F13B: variants seen among roughly 807,000 people sequenced by gnomAD.
F13B encodes the protein coagulation factor XIII B chain.
In F13B, 58 loss-of-function variants were observed where a neutral mutation model predicts 79.8. The ratio of observed to expected loss-of-function variants is 0.73; its 90% CI spans 0.59 to 0.90. The LOEUF (loss-of-function observed/expected upper bound fraction) is 0.90, where lower values mean the gene tolerates loss of function less well. F13B is among the 40% of genes least tolerant of loss of function. The pLI is 0.00. For synonymous variants in F13B, 283 were observed against 260.3 expected, an observed-to-expected ratio of 1.09 and a Z score of -0.84; for missense variants, 773 against 777.0, an observed-to-expected ratio of 0.99 and a Z score of 0.06.
At position 197,059,330 on chromosome 1, in the gene F13B, T is replaced by G. The variant is rs1571566922; in HGVS notation, c.805+1036A>C. Among the ~76,000 whole-genome samples, 3 of 152,268 alleles carry G rather than the reference T, an allele frequency of 2.0e-5. No individual in the cohort carries two copies. The South Asian group carries it at 6.2e-4, about 32-fold the overall frequency. On this transcript the variant is annotated intron_variant, in intron 5 of 11. Transcript: ENST00000367412. ...GCACAAATGAAAAATCATAAAATCT[T>G]TAAAGTTACTGTACAGTGCATTTAG...
intron 5 of F13B, among the ~76,000 whole-genome samples, chr1:197,058,253 T>C (rs1299505334): frequency 6.6e-6 from 1 of 152,160 alleles, no homozygotes; most frequent in Non-Finnish European, 1.5e-5. Flanking sequence ...AATAAATTAA[T>C]AGCATGTAGC....
At chr1:197,044,011 C>T (rs1655133798) in intron 10 of F13B, among the ~76,000 whole-genome samples, 1 of 151,710 alleles carries the variant, frequency 6.6e-6, no homozygotes, top group African/African-American at 2.4e-5. Context: ...CAGACCGGAG[C>T]TGTTCCTATT....
At position 197,062,991 on chromosome 1, in the gene F13B, C is replaced by G; in HGVS notation, c.131G>C (p.Ser44Thr). 1 of 1,613,542 alleles carries G rather than the reference C, an allele frequency of 6.2e-7. No individual in the cohort carries two copies. The highest frequency in any genetic ancestry group is 8.5e-7 in the Non-Finnish European group (1 of 1,179,702). ...GTCTATGCTCATTGGAAAGTAAAAG[C>G]TTTTAAAAGTATAGTAATATTGGGC... ...RIAQYYYTFK[S>T]FYFPMSIDKK... The change falls in exon 2 of 12, where the codon AGC (serine) becomes ACC (threonine). Residue 44 changes from serine (S) to threonine (T), a missense_variant. Ser to Thr is a moderately conservative substitution (Grantham distance 58). Coordinates refer to ENST00000367412, the MANE Select transcript of F13B (RefSeq NM_001994.3).
intron 2 of F13B, among the ~76,000 whole-genome samples, chr1:197,062,539 C>T (rs187776895): frequency 6.6e-6 from 1 of 152,260 alleles, no homozygotes; most frequent in East Asian, 1.9e-4. Context: ...GCATCTTATG[C>T]TTAATTATCA....
At chr1:197,051,580 T>C (rs1367124472) in intron 9 of F13B, among the ~76,000 whole-genome samples, 1 of 152,062 alleles carries the variant, frequency 6.6e-6, no homozygotes, top group Non-Finnish European at 1.5e-5. Flanking sequence ...TCTGGCAACA[T>C]TTATAAAACC....
chr1:197,055,262 C>T (rs746436408), intron 8 of F13B, among the ~76,000 whole-genome samples: 10 of 151,880 alleles, frequency 6.6e-5, no homozygotes, highest in South Asian at 2.1e-4. Context: ...GATGAGGATG[C>T]GGTGGTAAAA....
intron 5 of F13B, among the ~76,000 whole-genome samples, chr1:197,059,049 A>C (rs1393037720): frequency 2.0e-5 from 3 of 151,994 alleles, no homozygotes; most frequent in Non-Finnish European, 2.9e-5. Flanking sequence ...CCCTGTCTCT[A>C]CTAAAAACAC....
intron 10 of F13B, among the ~76,000 whole-genome samples, chr1:197,049,570 C>G (rs910391989): frequency 2.0e-5 from 3 of 152,038 alleles, no homozygotes; most frequent in Admixed American, 2.0e-4. Flanking sequence ...CAAATCGAAG[C>G]TGTCAATTTG....
chr1:197,048,953 A>G (rs925502353), intron 10 of F13B, among the ~76,000 whole-genome samples: 2 of 152,078 alleles, frequency 1.3e-5, no homozygotes, highest in Non-Finnish European at 2.9e-5. Flanking sequence ...GAAATCAGTA[A>G]CCAAAAGAAA....
intron 10 of F13B, among the ~76,000 whole-genome samples, chr1:197,041,339 T>C (rs879206672): frequency 6.6e-6 from 1 of 152,118 alleles, no homozygotes; most frequent in Admixed American, 6.5e-5. Context: ...TCCTTTCCCA[T>C]GTATCGTAAA....
intron 3 of F13B, 41 bp downstream of exon 3, chr1:197,061,743 G>A: frequency 6.5e-7 from 1 of 1,526,740 alleles, no homozygotes; most frequent in Non-Finnish European, 9.1e-7. Flanking sequence ...ATATAAGCTT[G>A]ATAAGCACTT....
chr1:197,064,147 A>G (rs1008586907), intron 1 of F13B, among the ~76,000 whole-genome samples: 1 of 152,174 alleles, frequency 6.6e-6, no homozygotes, highest in African/African-American at 2.4e-5. Flanking sequence ...AATGAAAAAG[A>G]CAAGCTATCT....
Position 197,061,009 on chromosome 1 carries a change from T to C in F13B, c.518A>G (p.Lys173Arg), listed in dbSNP as rs1275433243. Reference protein sequence around the residue: ...YSTTQKTFKVKDKVQYECATG... With the variant: ...YSTTQKTFKVRDKVQYECATG... ...AGCACATTCGTATTGTACTTTGTCC[T>C]TCACTTTGAATGTTTTCTGTGTTGT... is the stretch of plus-strand genomic sequence containing the variant. Residue 173 changes from lysine (K) to arginine (R), a missense_variant, in exon 4 of 12, where the codon AAG (lysine) becomes AGG (arginine). Physicochemically the swap from Lys to Arg is conservative, Grantham distance 26. Coordinates refer to ENST00000367412, the MANE Select transcript of F13B (RefSeq NM_001994.3). The C allele has an allele frequency of 1.2e-6, 2 of 1,608,758 alleles. No individual in the cohort carries two copies. The highest frequency in any genetic ancestry group is 1.7e-5 in the Admixed American group (1 of 59,888).
rs1418702571 is a variant in F13B at position 197,052,583 on chromosome 1, T to C, written c.1555+51A>G. 10 of 1,231,342 alleles carry C rather than the reference T, an allele frequency of 8.1e-6. No individual in the cohort carries two copies. The East Asian group carries it at 2.1e-4, about 26-fold the overall frequency. 76.3% of individuals were successfully genotyped at this position (1,231,342 alleles called of 1,614,324 possible). ...ACTATAAATAAATTTTCAACCGAGG[T>C]AGCAGATATTGGTCAAGTAAAGATA... is the stretch of plus-strand genomic sequence containing the variant. On this transcript the variant is annotated intron_variant, in intron 9 of 11. Transcript: ENST00000367412.
chr1:197,048,791 T>C (rs1389121877), intron 10 of F13B, among the ~76,000 whole-genome samples: 1 of 149,936 alleles, frequency 6.7e-6, no homozygotes, highest in Admixed American at 6.8e-5. Context: ...TTCACATATA[T>C]AAAACAGTGA....
intron 10 of F13B, among the ~76,000 whole-genome samples, chr1:197,049,194 T>C (rs1484947816): frequency 6.6e-6 from 1 of 151,874 alleles, no homozygotes; most frequent in East Asian, 1.9e-4. Context: ...AATCTATGTA[T>C]TCATCTAAAC....
chr1:197,051,194 C>A (rs1655428218), intron 9 of F13B, among the ~76,000 whole-genome samples: 1 of 152,100 alleles, frequency 6.6e-6, no homozygotes, highest in Non-Finnish European at 1.5e-5. Flanking sequence ...CAGGCGTGAG[C>A]CACTGCACCT....
chr1:197,049,590 G>A (rs944741312), intron 10 of F13B, among the ~76,000 whole-genome samples: 4 of 151,844 alleles, frequency 2.6e-5, no homozygotes, highest in Admixed American at 6.6e-5. Flanking sequence ...GTCTTTTCAC[G>A]GAAAAACTCA....
chr1:197,062,006 CT>C (rs1655882189), intron 2 of F13B, 37 bp from the exon 3 acceptor site: 6 of 1,532,210 alleles, frequency 3.9e-6, no homozygotes, highest in Non-Finnish European at 4.5e-6. Flanking sequence ...AATGATGAAA[CT>C]AAGCTTGTCT....
Sources: allele counts gnomAD v4.1 joint callset (sites outside exome capture counted in the v4.1 genomes callset), GRCh38; gene constraint gnomAD v4.1.1; transcripts MANE v1.5; gene names NCBI Gene and HGNC (gene_info 2026-07-23, HGNC 2026-07-21).